Variants in PARPBP observed in about 807,000 individuals in gnomAD.
PARPBP encodes PARP1 binding protein.
PARPBP carries 52 observed loss-of-function variants against 50.0 expected under a neutral mutation model. The ratio of observed to expected loss-of-function variants is 1.04; its 90% CI spans 0.83 to 1.31. The LOEUF is 1.31. Ranked by LOEUF, PARPBP falls within the 50% of genes most tolerant of loss-of-function variation. PARPBP has a pLI of 0.00. For missense variants in PARPBP, 697 were observed against 672.0 expected, an observed-to-expected ratio of 1.04 and a Z score of -0.41; for synonymous variants, 244 against 232.1, an observed-to-expected ratio of 1.05 and a Z score of -0.47.
At chr12:102,189,906 C>T (rs1199542906) in intron 9 of PARPBP, among the ~76,000 whole-genome samples, 3 of 152,078 alleles carry the variant, frequency 2.0e-5, no homozygotes, top group Non-Finnish European at 2.9e-5. Context: ...CTGCATGGTT[C>T]TTTGTACTTA....
chr12:102,147,969 C>CA (rs1409802220), intron 2 of PARPBP, among the ~76,000 whole-genome samples: 3 of 152,110 alleles, frequency 2.0e-5, no homozygotes, highest in African/African-American at 7.2e-5. Context: ...AGAAATGTAA[C>CA]AGCGGCTATG....
chr12:102,126,763 G>T (rs1036809808), intron 2 of PARPBP, among the ~76,000 whole-genome samples: 2 of 152,184 alleles, frequency 1.3e-5, no homozygotes, highest in Non-Finnish European at 2.9e-5. Context: ...CCGACAGAGC[G>T]AGACTCTACC....
chr12:102,133,448 T>A (rs778157080), intron 2 of PARPBP, among the ~76,000 whole-genome samples: 11 of 152,172 alleles, frequency 7.2e-5, no homozygotes, highest in Non-Finnish European at 1.3e-4. Flanking sequence ...GTTTTGTTTA[T>A]AGATTTGCAT....
chr12:102,139,213 A>G (rs1027351285), intron 2 of PARPBP, among the ~76,000 whole-genome samples: 2 of 152,100 alleles, frequency 1.3e-5, no homozygotes. Flanking sequence ...CATCCCTTGT[A>G]AGTTGGGTTC....
At chr12:102,137,543 T>C (rs1353537175) in intron 2 of PARPBP, among the ~76,000 whole-genome samples, 1 of 152,032 alleles carries the variant, frequency 6.6e-6, no homozygotes, top group Non-Finnish European at 1.5e-5. Context: ...CTAGGGTATA[T>C]GTGCACAACG....
intron 9 of PARPBP, among the ~76,000 whole-genome samples, chr12:102,192,480 G>T (rs984641080): frequency 3.3e-5 from 5 of 151,972 alleles, no homozygotes; most frequent in African/African-American, 4.8e-5. Flanking sequence ...TTTTTGTGCT[G>T]CTTTCTTAGT....
intron 4 of PARPBP, among the ~76,000 whole-genome samples, chr12:102,162,817 C>CA (rs943005854): frequency 6.2e-5 from 9 of 145,168 alleles, no homozygotes; most frequent in Non-Finnish European, 1.4e-4. Context: ...CCCTGTTTCT[C>CA]AAAAAAAGAA....
intron 6 of PARPBP, 35 bp downstream of exon 6, chr12:102,165,918 A>G: frequency 7.4e-7 from 1 of 1,345,758 alleles, no homozygotes; most frequent in Non-Finnish European, 1.0e-6. Context: ...ATATGTTTTT[A>G]ATCTATCTTT....
chr12:102,133,716 C>T (rs1450206534), intron 2 of PARPBP, among the ~76,000 whole-genome samples: 1 of 151,950 alleles, frequency 6.6e-6, no homozygotes, highest in Admixed American at 6.6e-5. Context: ...ACAGAACATT[C>T]GTCAAGATAG....
intron 3 of PARPBP, among the ~76,000 whole-genome samples, chr12:102,151,074 A>AT (rs1213493159): frequency 6.6e-6 from 1 of 151,566 alleles, no homozygotes; most frequent in Admixed American, 6.6e-5. Flanking sequence ...ACAACACACC[A>AT]TTTAAGGGTT....
chr12:102,154,048 A>G, intron 4 of PARPBP, 72 bp downstream of exon 4: 1 of 906,940 alleles, frequency 1.1e-6, no homozygotes. Context: ...GTGGTACCTT[A>G]AAGTTACTAA....
In PARPBP at chr12:102,182,529, C is replaced by CTT. The variant is rs35297380; in HGVS notation, c.1185-9_1185-8dup. ...TCCAACCATAGCAATAAATTTTTGC[C>CTT]TTTTTTTTTTTTGACATAGGTCTCC... On this transcript the variant is annotated intron_variant, in intron 8 of 10. Transcript: ENST00000327680. The CTT allele has an allele frequency of 4.4e-3, 6,145 of 1,400,456 alleles. 4 individuals carry two copies. Among genetic ancestry groups the CTT allele is most frequent in the African/African-American group, 0.012 (836 of 67,586 alleles). 86.8% of individuals were successfully genotyped at this position (1,400,456 alleles called of 1,614,324 possible). A position where few individuals can be genotyped will look rare whatever the true frequency, so the allele number is the denominator to read the frequency against.
intron 2 of PARPBP, among the ~76,000 whole-genome samples, chr12:102,134,694 G>A (rs567757702): frequency 5.3e-5 from 8 of 152,018 alleles, no homozygotes; most frequent in African/African-American, 1.7e-4. Flanking sequence ...TGTTTTTGCT[G>A]TGAGACAGGC....
intron 4 of PARPBP, among the ~76,000 whole-genome samples, chr12:102,155,602 G>A (rs922743974): frequency 8.2e-6 from 1 of 121,930 alleles, no homozygotes; most frequent in Non-Finnish European, 1.7e-5. Context: ...GGTGGGGGGG[G>A]GGGGCGGGGA....
At chr12:102,174,611 ATTTGGC>A (rs1889076493) in intron 6 of PARPBP, among the ~76,000 whole-genome samples, 1 of 152,162 alleles carries the variant, frequency 6.6e-6, no homozygotes, top group African/African-American at 2.4e-5. Context: ...CCAGTTTCTC[ATTTGGC>A]ACTGTGCTGC....
At chr12:102,127,165 T>C (rs1882129714) in intron 2 of PARPBP, among the ~76,000 whole-genome samples, 1 of 152,104 alleles carries the variant, frequency 6.6e-6, no homozygotes, top group Admixed American at 6.6e-5. Flanking sequence ...GAGTCCATGA[T>C]GGGCAGATCA....
intron 2 of PARPBP, 56 bp downstream of exon 2, chr12:102,124,097 C>T: frequency 8.7e-7 from 1 of 1,149,638 alleles, no homozygotes; most frequent in Non-Finnish European, 1.2e-6. Context: ...TTCATTGCTG[C>T]CCATTTGAAT....
At chr12:102,129,645 A>G (rs1427844092) in intron 2 of PARPBP, among the ~76,000 whole-genome samples, 2 of 152,132 alleles carry the variant, frequency 1.3e-5, no homozygotes, top group South Asian at 4.1e-4. Flanking sequence ...TGAGCCTGGA[A>G]TGTTTTTCCA....
chr12:102,146,275 A>C (rs923497678), intron 2 of PARPBP, among the ~76,000 whole-genome samples: 1 of 152,212 alleles, frequency 6.6e-6, no homozygotes, highest in Non-Finnish European at 1.5e-5. Flanking sequence ...CCTAAGCCAA[A>C]AGAACAAAGC....
Sources: allele counts gnomAD v4.1 joint callset (sites outside exome capture counted in the v4.1 genomes callset), GRCh38; gene constraint gnomAD v4.1.1; transcripts MANE v1.5; gene names NCBI Gene and HGNC (gene_info 2026-07-23, HGNC 2026-07-21).